SPMIP7: variants seen among roughly 807,000 people sequenced by gnomAD.
SPMIP7 encodes the protein protein SPMIP7.
the SPMIP7 span, among the ~76,000 whole-genome samples, chr7:50,127,223 G>C: frequency 1.3e-5 from 2 of 151,958 alleles, no homozygotes; most frequent in East Asian, 3.9e-4. Flanking sequence ...AATGAAACTA[G>C]ACCCCTACCT....
the SPMIP7 span, among the ~76,000 whole-genome samples, chr7:50,108,325 G>T: frequency 6.6e-6 from 1 of 152,138 alleles, no homozygotes; most frequent in Non-Finnish European, 1.5e-5. Context: ...TTAGGTAGAT[G>T]ATAAATTTGA....
the SPMIP7 span, among the ~76,000 whole-genome samples, chr7:50,098,951 C>T: frequency 6.6e-6 from 1 of 152,136 alleles, no homozygotes; most frequent in South Asian, 2.1e-4. Flanking sequence ...CTTCATCTTG[C>T]AAAACTGAAA....
chr7:50,142,596 T>C, the SPMIP7 span: 1 of 152,212 alleles, frequency 6.6e-6, no homozygotes, highest in Non-Finnish European at 1.5e-5. Flanking sequence ...CACAAAGAAA[T>C]GTTTTTCATT....
the SPMIP7 span, among the ~76,000 whole-genome samples, chr7:50,126,248 A>G: frequency 6.6e-6 from 1 of 152,078 alleles, no homozygotes; most frequent in Non-Finnish European, 1.5e-5. Flanking sequence ...CTAAAAAAAG[A>G]TAAAGGAATA....
the SPMIP7 span, among the ~76,000 whole-genome samples, chr7:50,113,645 G>A: frequency 3.3e-5 from 5 of 152,000 alleles, no homozygotes; most frequent in East Asian, 9.7e-4. Context: ...CGAAAAGAGA[G>A]AAAATAAAGC....
the SPMIP7 span, among the ~76,000 whole-genome samples, chr7:50,122,016 G>A: frequency 6.6e-6 from 1 of 152,140 alleles, no homozygotes; most frequent in Non-Finnish European, 1.5e-5. Context: ...ATATTTGGAG[G>A]TTAAATATGA....
the SPMIP7 span, among the ~76,000 whole-genome samples, chr7:50,126,431 GT>G: frequency 4.6e-5 from 7 of 151,532 alleles, no homozygotes; most frequent in South Asian, 1.5e-3. Context: ...GGCCTAGATA[GT>G]TTTACTGATA....
the SPMIP7 span, among the ~76,000 whole-genome samples, chr7:50,156,985 C>T: frequency 6.6e-6 from 1 of 152,192 alleles, no homozygotes; most frequent in Non-Finnish European, 1.5e-5. Context: ...CCTCCTGGCT[C>T]TGGATTCTGA....
At chr7:50,125,121 C>T in the SPMIP7 span, among the ~76,000 whole-genome samples, 416 of 52,588 alleles carry the variant, frequency 7.9e-3, 43 homozygotes, top group Non-Finnish European at 0.011. Flanking sequence ...TATATACACA[C>T]ACACACACAC....
At chr7:50,129,299 A>G in the SPMIP7 span, among the ~76,000 whole-genome samples, 2 of 152,036 alleles carry the variant, frequency 1.3e-5, no homozygotes, top group Non-Finnish European at 2.9e-5. Flanking sequence ...GATAATAATG[A>G]TTATAACAAT....
At chr7:50,100,275 T>G in the SPMIP7 span, among the ~76,000 whole-genome samples, 3 of 152,214 alleles carry the variant, frequency 2.0e-5, no homozygotes, top group Non-Finnish European at 4.4e-5. Flanking sequence ...GATTGTCTGG[T>G]ACTGCACCAG....
the SPMIP7 span, chr7:50,158,908 G>C: frequency 2.5e-6 from 2 of 786,218 alleles, no homozygotes; most frequent in Admixed American, 5.0e-5. Flanking sequence ...TCCCCAGCAC[G>C]AGTCATCCTC....
At chr7:50,129,986 AAGAATAAAACCAT>A in the SPMIP7 span, among the ~76,000 whole-genome samples, 1 of 152,142 alleles carries the variant, frequency 6.6e-6, no homozygotes, top group African/African-American at 2.4e-5. Context: ...TGCTTGATGG[AAGAATAAAACCAT>A]AACAGAAAGT....
chr7:50,105,508 G>A, the SPMIP7 span, among the ~76,000 whole-genome samples: 1 of 151,904 alleles, frequency 6.6e-6, no homozygotes, highest in Non-Finnish European at 1.5e-5. Flanking sequence ...ACTCTTTCTA[G>A]TTTACTACAA....
the SPMIP7 span, among the ~76,000 whole-genome samples, chr7:50,153,103 T>C: frequency 6.6e-6 from 1 of 152,176 alleles, no homozygotes; most frequent in African/African-American, 2.4e-5. Context: ...GTACGAAAGA[T>C]AGACAGTAAA....
the SPMIP7 span, among the ~76,000 whole-genome samples, chr7:50,114,427 A>G: frequency 1.2e-4 from 18 of 152,284 alleles, no homozygotes; most frequent in African/African-American, 4.3e-4. Flanking sequence ...TTGAAATGAT[A>G]TATTATTATC....
the SPMIP7 span, among the ~76,000 whole-genome samples, chr7:50,108,474 A>G: frequency 6.6e-6 from 1 of 152,336 alleles, no homozygotes; most frequent in East Asian, 1.9e-4. Flanking sequence ...ATTATGCCAT[A>G]CTATCATGAT....
At chr7:50,134,122 T>C in the SPMIP7 span, 3 of 1,546,136 alleles carry the variant, frequency 1.9e-6, no homozygotes, top group Non-Finnish European at 2.6e-6. Flanking sequence ...TATGAAGATG[T>C]TCCTTGGGAT....
the SPMIP7 span, among the ~76,000 whole-genome samples, chr7:50,130,023 G>C: frequency 6.6e-6 from 1 of 152,248 alleles, no homozygotes; most frequent in East Asian, 1.9e-4. Context: ...TGGTCAAAGA[G>C]GGAGTGGGGG....
Sources: gnomAD v4.1 joint callset for allele counts (sites outside exome capture counted in the v4.1 genomes callset) on GRCh38, gnomAD v4.1.1 for gene constraint, MANE v1.5 for transcripts, NCBI Gene and HGNC (gene_info 2026-07-23, HGNC 2026-07-21) for gene names.